UGT2B15: variants seen among roughly 807,000 people sequenced by gnomAD.
UGT2B15 encodes UDP-glucuronosyltransferase 2B15.
UGT2B15 carries 36 observed loss-of-function variants against 45.9 expected under a neutral mutation model. The observed-to-expected ratio is 0.78, with a 90% CI of 0.60 to 1.04. The LOEUF is 1.04. Among genes scored for constraint, UGT2B15 ranks in the 50% least tolerant of loss-of-function variants. UGT2B15 has a pLI of 0.00. For synonymous variants in UGT2B15, 219 were observed against 216.4 expected, an observed-to-expected ratio of 1.01 and a Z score of -0.11; for missense variants, 617 against 622.4, an observed-to-expected ratio of 0.99 and a Z score of 0.09.
In UGT2B15 at chr4:68,669,914, C is replaced by G; in HGVS notation, c.705G>C (p.Gln235His). 1 of 1,610,974 alleles carries G rather than the reference C, an allele frequency of 6.2e-7. No individual in the cohort carries two copies. The highest frequency in any genetic ancestry group is 8.5e-7 in the Non-Finnish European group (1 of 1,179,246). Reference sequence around the variant, plus strand: ...ACTTACCTAGAACTTCACTATAAAACTGGTCCCACTTCTTCAGATCATAAA... The same window carrying G: ...ACTTACCTAGAACTTCACTATAAAAGTGGTCCCACTTCTTCAGATCATAAA... ...FQIYDLKKWD[Q>H]FYSEVLGRPT... The change falls in exon 1 of 6, where the codon CAG (glutamine) becomes CAC (histidine). Residue 235 changes from glutamine to histidine, a missense_variant. Physicochemically the swap from Gln to His is conservative, Grantham distance 24. Coordinates refer to ENST00000338206, the MANE Select transcript of UGT2B15 (RefSeq NM_001076.4).
chr4:68,653,797 A>G (rs1346286521), intron 5 of UGT2B15, among the ~76,000 whole-genome samples: 2 of 151,986 alleles, frequency 1.3e-5, no homozygotes, highest in Non-Finnish European at 2.9e-5. Context: ...ATAATTATCT[A>G]CATATCTTTA....
Position 68,647,173 on chromosome 4 carries a change from G to C in UGT2B15, c.1524C>G (p.Ile508Met), listed in dbSNP as rs527906107. Residue 508 changes from isoleucine (I) to methionine (M), a missense_variant, in exon 6 of 6, where the codon ATC (isoleucine) becomes ATG (methionine). By Grantham distance (10) the Ile-to-Met change is conservative. Coordinates refer to ENST00000338206, the MANE Select transcript of UGT2B15 (RefSeq NM_001076.4). ...LLACVATVIF[I>M]ITKFCLFCFR... Reference sequence around the variant, plus strand: ...AACAAAACAGGCAAAATTTTGTGATGATAAATATCACAGTTGCCACGCAGG... The same window carrying C: ...AACAAAACAGGCAAAATTTTGTGATCATAAATATCACAGTTGCCACGCAGG... 28 of 1,613,804 alleles carry C rather than the reference G, an allele frequency of 1.7e-5. 1 individual carries two copies. In the South Asian group the frequency reaches 2.5e-4, roughly 15 times the overall value.
intron 2 of UGT2B15, among the ~76,000 whole-genome samples, chr4:68,664,329 T>C (rs534686380): frequency 6.6e-6 from 1 of 151,602 alleles, no homozygotes; most frequent in African/African-American, 2.4e-5. Flanking sequence ...TTCCTGGATA[T>C]CATATCAAAA....
At chr4:68,669,725 C>A (rs1733243761) in intron 1 of UGT2B15, among the ~76,000 whole-genome samples, 170 bp downstream of exon 1, 1 of 152,090 alleles carries the variant, frequency 6.6e-6, no homozygotes, top group Non-Finnish European at 1.5e-5. Context: ...CTAACTGATT[C>A]TATAAGGTCA....
At chr4:68,659,863 C>T (rs1472707428) in intron 3 of UGT2B15, among the ~76,000 whole-genome samples, 14 of 151,090 alleles carry the variant, frequency 9.3e-5, no homozygotes, top group Admixed American at 7.3e-4. Flanking sequence ...ACTACATGGA[C>T]TGAAATAATA....
At chr4:68,649,823 CT>C (rs1242045215) in intron 5 of UGT2B15, among the ~76,000 whole-genome samples, 2 of 151,338 alleles carry the variant, frequency 1.3e-5, no homozygotes, top group African/African-American at 4.9e-5. Context: ...GGTAGGTTCA[CT>C]TTTTTGTTTT....
intron 3 of UGT2B15, among the ~76,000 whole-genome samples, chr4:68,656,395 T>C (rs1732808312): frequency 6.6e-6 from 1 of 151,692 alleles, no homozygotes; most frequent in African/African-American, 2.4e-5. Flanking sequence ...TCTGGGATTT[T>C]TTTTTTTTTT....
At chr4:68,648,215 A>G (rs1262878976) in intron 5 of UGT2B15, among the ~76,000 whole-genome samples, 1 of 152,124 alleles carries the variant, frequency 6.6e-6, no homozygotes, top group Non-Finnish European at 1.5e-5. Context: ...CATTAAGAAT[A>G]AATTCCAAAT....
At position 68,670,296 on chromosome 4, in the gene UGT2B15, G is replaced by A. The variant is rs746826532; in HGVS notation, c.323C>T (p.Ser108Leu). The change falls in exon 1 of 6, where the codon TCA (serine) becomes TTA (leucine). Residue 108 changes from serine (S) to leucine (L), a missense_variant. Transcript: ENST00000338206. ...IYGVSKNTFW[S>L]YFSQLQELCW... is the part of the protein sequence containing the mutation. ...CAATTCTTGTAATTGTGAAAAATAT[G>A]ACCAAAATGTATTTTTTGAAACACC... is the stretch of plus-strand genomic sequence containing the variant. 46 of 1,613,864 alleles carry A rather than the reference G, an allele frequency of 2.9e-5. No individual in the cohort carries two copies. The highest frequency in any genetic ancestry group is 1.7e-6 in the Non-Finnish European group (2 of 1,179,978).
At chr4:68,666,946 C>T (rs1347505566) in intron 2 of UGT2B15, among the ~76,000 whole-genome samples, 2 of 151,506 alleles carry the variant, frequency 1.3e-5, no homozygotes, top group African/African-American at 4.9e-5. Context: ...GGGGTTTCAC[C>T]ATGCTGGCCA....
chr4:68,654,417 G>A (rs1301328935), intron 4 of UGT2B15, among the ~76,000 whole-genome samples, 161 bp from the exon 5 acceptor site: 4 of 151,286 alleles, frequency 2.6e-5, no homozygotes, highest in African/African-American at 9.7e-5. Flanking sequence ...GAATTGCCAG[G>A]TGAACAAAAT....
chr4:68,665,715 G>T (rs1183349592), intron 2 of UGT2B15, among the ~76,000 whole-genome samples: 5 of 152,142 alleles, frequency 3.3e-5, no homozygotes, highest in Admixed American at 6.5e-5. Context: ...AAGAATTAGA[G>T]AATCAGTTTC....
chr4:68,647,360 A>G lies in UGT2B15; in HGVS notation c.1337T>C (p.Leu446Ser), dbSNP rs1291910239. 2 of 1,613,382 alleles carry G rather than the reference A, an allele frequency of 1.2e-6. No individual in the cohort carries two copies. Among genetic ancestry groups the G allele is most frequent in the Non-Finnish European group, 1.7e-6 (2 of 1,179,554 alleles). The change falls in exon 6 of 6, where the codon TTA (leucine) becomes TCA (serine). Residue 446 changes from leucine to serine, a missense_variant. Around this residue, in one of 3 missense-constraint regions of UGT2B15, gnomAD observed 265 missense variants for 245.1 expected, o/e 1.08. Coordinates refer to ENST00000338206, the MANE Select transcript of UGT2B15 (RefSeq NM_001076.4). The stretch of plus-strand genomic sequence containing the variant: ...TGGTTGGTCATGATGAATTCTTGAT[A>G]ATTTCATGACATTCTCTTTATAGCT... Reference protein sequence around the residue: ...DPVYKENVMKLSRIHHDQPMK... With the variant: ...DPVYKENVMKSSRIHHDQPMK...
intron 3 of UGT2B15, among the ~76,000 whole-genome samples, chr4:68,658,537 C>G: frequency 6.6e-6 from 1 of 151,912 alleles, no homozygotes; most frequent in Non-Finnish European, 1.5e-5. Context: ...AAACTGTAAA[C>G]CAAGCCCAAA....
In UGT2B15 at chr4:68,670,227, G is replaced by T; in HGVS notation, c.392C>A (p.Ala131Glu). The T allele has an allele frequency of 6.2e-7, 1 of 1,613,902 alleles. No individual in the cohort carries two copies. The highest frequency in any genetic ancestry group is 8.5e-7 in the Non-Finnish European group (1 of 1,179,944). ...CATCATAAGTTTCTTATTCAAAACTGCATCTTTACAGAGCTTGTTACTGTA... is the reference window on the plus strand; with the variant it reads ...CATCATAAGTTTCTTATTCAAAACTTCATCTTTACAGAGCTTGTTACTGTA... ...YDYSNKLCKDAVLNKKLMMKL... is the reference protein window; with the variant it reads ...YDYSNKLCKDEVLNKKLMMKL... Residue 131 changes from alanine to glutamate, a missense_variant, in exon 1 of 6, where the codon GCA (alanine) becomes GAA (glutamate). Ala to Glu is a moderately radical substitution (Grantham distance 107, BLOSUM62 -1). Coordinates refer to ENST00000338206, the MANE Select transcript of UGT2B15 (RefSeq NM_001076.4).
rs374449593 is a variant in UGT2B15 at position 68,670,576 on chromosome 4, T to C, written c.43A>G (p.Ser15Gly). The change falls in exon 1 of 6, where the codon AGT becomes GGT. Residue 15 changes from serine to glycine, a missense_variant. Physicochemically the swap from Ser to Gly is moderately conservative, Grantham distance 56. Around this residue, in one of 3 missense-constraint regions of UGT2B15, gnomAD observed 351 missense variants for 342.1 expected, o/e 1.03. Transcript: ENST00000338206. ...WTSVFLLIQL[S>G]CYFSSGSCGK... ...CAGCTTCCAGAGCTAAAGTAACAAC[T>C]GAGCTGTATCAGCAGAAAGACTGAC... The C allele has an allele frequency of 5.6e-6, 9 of 1,598,778 alleles. No homozygotes were observed. In the African/African-American group the frequency reaches 9.5e-5, roughly 17 times the overall value.
intron 5 of UGT2B15, among the ~76,000 whole-genome samples, chr4:68,653,192 G>A (rs150335467): frequency 2.0e-4 from 30 of 152,012 alleles, no homozygotes; most frequent in African/African-American, 5.5e-4. Flanking sequence ...ATTTTTACAC[G>A]GAAAATATGT....
intron 1 of UGT2B15, among the ~76,000 whole-genome samples, chr4:68,669,347 A>T (rs1733233315): frequency 6.6e-6 from 1 of 152,108 alleles, no homozygotes; most frequent in Non-Finnish European, 1.5e-5. Flanking sequence ...TATTGAAGGA[A>T]TGTATAAACA....
intron 5 of UGT2B15, among the ~76,000 whole-genome samples, chr4:68,653,626 AATTC>A (rs1732716288): frequency 6.6e-6 from 1 of 152,124 alleles, no homozygotes; most frequent in South Asian, 2.1e-4. Context: ...TGCAAATTAT[AATTC>A]ATTATCACAT....
Sources: gnomAD v4.1 joint callset for allele counts (sites outside exome capture counted in the v4.1 genomes callset) on GRCh38, gnomAD v4.1.1 for gene constraint, gnomAD v4.1.1 regional missense constraint, MANE v1.5 for transcripts, NCBI Gene and HGNC (gene_info 2026-07-23, HGNC 2026-07-21) for gene names.